Variants in ESRRG observed in about 807,000 individuals in gnomAD.
The protein encoded by ESRRG is estrogen related receptor gamma.
In ESRRG, 13 loss-of-function variants were observed where a neutral mutation model predicts 44.0. The observed-to-expected ratio is 0.30, with a 90% CI of 0.19 to 0.47. The LOEUF (loss-of-function observed/expected upper bound fraction) is 0.47, where lower values mean the gene tolerates loss of function less well. ESRRG is among the 20% of genes least tolerant of loss of function. The pLI, the probability that ESRRG is intolerant of heterozygous loss-of-function variation, is 1.00. For missense variants in ESRRG, 395 were observed against 580.6 expected, an observed-to-expected ratio of 0.68 and a Z score of 3.29; for synonymous variants, 215 against 214.6, an observed-to-expected ratio of 1.00 and a Z score of -0.02.
At chr1:216,907,566 G>T (rs764205853) in intron 2 of ESRRG, among the ~76,000 whole-genome samples, 9 of 152,088 alleles carry the variant, frequency 5.9e-5, no homozygotes, top group African/African-American at 9.7e-5. Flanking sequence ...TATTGGCCTC[G>T]CTGAAGAGCC....
At chr1:216,712,754 C>G (rs2083901982) in intron 1 of ESRRG, among the ~76,000 whole-genome samples, 1 of 152,164 alleles carries the variant, frequency 6.6e-6, no homozygotes, top group Non-Finnish European at 1.5e-5. Context: ...AAGAATGAAA[C>G]CTTTGAGCAA....
At chr1:217,073,787 TAAAGA>T (rs1299860303) in intron 1 of ESRRG, among the ~76,000 whole-genome samples, 1 of 148,722 alleles carries the variant, frequency 6.7e-6, no homozygotes, top group Non-Finnish European at 1.5e-5. Flanking sequence ...GAAAGAGAAG[TAAAGA>T]AAAGAGCGAA....
chr1:216,685,025 T>C (rs2077668028), intron 1 of ESRRG, among the ~76,000 whole-genome samples: 1 of 152,146 alleles, frequency 6.6e-6, no homozygotes, highest in African/African-American at 2.4e-5. Flanking sequence ...AAAACAAGCA[T>C]TTTGTCTCCA....
intron 2 of ESRRG, among the ~76,000 whole-genome samples, chr1:216,742,017 T>A (rs76563474): frequency 6.6e-6 from 1 of 152,270 alleles, no homozygotes; most frequent in South Asian, 2.1e-4. Flanking sequence ...CATTTTCCAC[T>A]GTTACAGAAC....
intron 1 of ESRRG, among the ~76,000 whole-genome samples, chr1:217,117,281 G>T (rs1474126134): frequency 6.6e-6 from 1 of 152,122 alleles, no homozygotes; most frequent in East Asian, 1.9e-4. Context: ...ATAATTAAAT[G>T]AAATTTTAAA....
chr1:216,762,560 TGGGGGG>T (rs1553582847), intron 2 of ESRRG, among the ~76,000 whole-genome samples: 3 of 96,186 alleles, frequency 3.1e-5, no homozygotes, highest in Admixed American at 1.1e-4. Flanking sequence ...TGTTGTGGGG[TGGGGGG>T]AGTGGGGAGG....
At chr1:216,842,812 TAA>T (rs1183042889) in intron 2 of ESRRG, among the ~76,000 whole-genome samples, 1 of 152,186 alleles carries the variant, frequency 6.6e-6, no homozygotes, top group African/African-American at 2.4e-5. Context: ...TTTGAAGAAG[TAA>T]AAGAGTGTTG....
At chr1:217,033,261 T>G (rs1347057146) in intron 1 of ESRRG, among the ~76,000 whole-genome samples, 1 of 152,190 alleles carries the variant, frequency 6.6e-6, no homozygotes, top group East Asian at 1.9e-4. Context: ...GTCCCCTTTT[T>G]GTGCAGTACC....
At chr1:216,597,366 G>T (rs1198693258) in intron 3 of ESRRG, among the ~76,000 whole-genome samples, 2 of 152,134 alleles carry the variant, frequency 1.3e-5, no homozygotes, top group East Asian at 3.9e-4. Context: ...ACTCTTTCTG[G>T]AGAGGTCAAA....
chr1:216,948,226 T>A (rs1233066005), intron 1 of ESRRG, among the ~76,000 whole-genome samples: 1 of 151,964 alleles, frequency 6.6e-6, no homozygotes, highest in Non-Finnish European at 1.5e-5. Context: ...CTATGATAAA[T>A]CTGGAGATGA....
chr1:216,740,856 G>A (rs947953413), intron 2 of ESRRG, among the ~76,000 whole-genome samples: 1 of 151,492 alleles, frequency 6.6e-6, no homozygotes, highest in East Asian at 1.9e-4. Context: ...ACATTTATTG[G>A]AGTGGCTTTG....
At chr1:216,835,067 G>A (rs2095542506) in intron 2 of ESRRG, among the ~76,000 whole-genome samples, 1 of 152,164 alleles carries the variant, frequency 6.6e-6, no homozygotes, top group Admixed American at 6.5e-5. Context: ...CAGTAGCAAG[G>A]GAGGCAGCTG....
At chr1:216,895,347 C>T (rs752920442) in intron 2 of ESRRG, among the ~76,000 whole-genome samples, 1 of 152,094 alleles carries the variant, frequency 6.6e-6, no homozygotes, top group Non-Finnish European at 1.5e-5. Context: ...TAATTAAGAC[C>T]TATTGATCAC....
intron 2 of ESRRG, among the ~76,000 whole-genome samples, chr1:216,795,485 C>T (rs1035869952): frequency 1.3e-5 from 2 of 151,380 alleles, no homozygotes; most frequent in Non-Finnish European, 2.9e-5. Flanking sequence ...GGATTACAGG[C>T]ATGTGCCACT....
intron 5 of ESRRG, among the ~76,000 whole-genome samples, chr1:216,520,817 A>C (rs1264850839): frequency 6.6e-6 from 1 of 152,206 alleles, no homozygotes; most frequent in African/African-American, 2.4e-5. Context: ...TATCCAAATC[A>C]TAAGTAGCCA....
chr1:216,871,538 C>G (rs2096259955), intron 2 of ESRRG, among the ~76,000 whole-genome samples: 2 of 151,786 alleles, frequency 1.3e-5, no homozygotes, highest in South Asian at 4.1e-4. Context: ...TGATTTTTTT[C>G]TCTCTTAGTT....
At chr1:217,082,288 AC>A (rs2091819545) in intron 1 of ESRRG, among the ~76,000 whole-genome samples, 1 of 152,220 alleles carries the variant, frequency 6.6e-6, no homozygotes, top group African/African-American at 2.4e-5. Context: ...GAACTGGTGG[AC>A]CCAGTGACTC....
At chr1:216,730,305 T>A (rs1172060120) in intron 2 of ESRRG, among the ~76,000 whole-genome samples, 111 of 121,372 alleles carry the variant, frequency 9.1e-4, no homozygotes, top group South Asian at 1.4e-3. Context: ...CTTAGAAAGG[T>A]AAAAAAAAAA....
intron 1 of ESRRG, among the ~76,000 whole-genome samples, chr1:216,701,059 G>C (rs1350733992): frequency 6.6e-6 from 1 of 152,126 alleles, no homozygotes; most frequent in Non-Finnish European, 1.5e-5. Flanking sequence ...TTGGCTTTGA[G>C]AAGTAAAATC....
Sources: gnomAD v4.1 joint callset for allele counts (sites outside exome capture counted in the v4.1 genomes callset) on GRCh38, gnomAD v4.1.1 for gene constraint, MANE v1.5 for transcripts, NCBI Gene and HGNC (gene_info 2026-07-23, HGNC 2026-07-21) for gene names.